Variants in PRR12 observed in about 807,000 individuals in gnomAD.
PRR12 encodes proline rich 12, also known as proline-rich protein 12.
In PRR12, 12 loss-of-function variants were observed where a neutral mutation model predicts 138.0. The observed-to-expected ratio is 0.09, with a 90% confidence interval of 0.06 to 0.14. PRR12 has a LOEUF of 0.14. PRR12 is among the 10% of genes least tolerant of loss of function. The probability of loss-of-function intolerance (pLI) is 1.00; values close to 1 mark genes in which losing one functional copy is unlikely to be tolerated. For missense variants in PRR12, 2,692 were observed against 2,861.3 expected (o/e 0.94, Z 1.35); for synonymous variants, 1,567 against 1,291.7 (o/e 1.21, Z -4.57).
In PRR12 at chr19:49,625,763, G is replaced by A. The variant is rs555232986; in HGVS notation, c.*156G>A. 1.1e-6 allele frequency: 1 copy of A among 951,888 alleles called. No homozygotes were observed. Among genetic ancestry groups the A allele is most frequent in the African/African-American group, 1.7e-5 (1 of 59,364 alleles). The allele number at this position is 951,888 out of a possible 1,614,324, so 59.0% of individuals were successfully genotyped here. ...TGCCCCCTCCAGGGCAGGGTTCAAAGTCCGACTCCCCCCCTCTCCCAAGCC... is the reference window on the plus strand; with the variant it reads ...TGCCCCCTCCAGGGCAGGGTTCAAAATCCGACTCCCCCCCTCTCCCAAGCC... On this transcript the variant is annotated 3_prime_UTR_variant, in exon 14 of 14. Transcript: ENST00000418929. The surrounding 1 kb of genome is among the most constrained non-coding windows in gnomAD (Gnocchi z 5.5).
intron 6 of PRR12, among the ~76,000 whole-genome samples, chr19:49,604,309 C>T (rs1239769679): frequency 6.7e-6 from 1 of 150,288 alleles, no homozygotes; most frequent in Non-Finnish European, 1.5e-5. Context: ...TTGAGACCAG[C>T]TAGGCAAATA....
rs1279104056 is a variant in PRR12 at position 49,591,620 on chromosome 19, C to T, written c.-35C>T. On this transcript the variant is annotated 5_prime_UTR_variant, in exon 1 of 14. Coordinates refer to ENST00000418929, the MANE Select transcript of PRR12 (RefSeq NM_020719.3). ...GCGCGCCCCCTCCCTCCCTCCCTCC[C>T]TCCCCCTCCCCCCAATTTCCACCGC... The T allele has an allele frequency of 6.1e-6, 4 of 655,040 alleles. No homozygotes were observed. Among genetic ancestry groups the T allele is most frequent in the Non-Finnish European group, 9.8e-6 (4 of 409,246 alleles). The allele number at this position is 655,040 out of a possible 1,614,324, so 40.6% of individuals were successfully genotyped here. A position where few individuals can be genotyped will look rare whatever the true frequency, so the allele number is the denominator to read the frequency against.
At chr19:49,593,537 GGCCC>G in intron 2 of PRR12, 98 bp downstream of exon 2, 1 of 631,690 alleles carries the variant, frequency 1.6e-6, no homozygotes, top group South Asian at 1.7e-5. Context: ...AATTGGCCGT[GGCCC>G]GTGCCGTGGC....
At position 49,625,586 on chromosome 19, in the gene PRR12, G is replaced by A. The variant is rs1490260969; in HGVS notation, c.6090G>A (p.Gln2030=). 1.1e-5 allele frequency: 17 copies of A among 1,609,428 alleles called. No homozygotes were observed. The highest frequency in any genetic ancestry group is 1.4e-5 in the Non-Finnish European group (16 of 1,178,012). Residue 2030 remains glutamine, a synonymous_variant, in exon 14 of 14, where the codon CAG becomes CAA. Coordinates refer to ENST00000418929, the MANE Select transcript of PRR12 (RefSeq NM_020719.3). This position sits in a 1 kb window ranked among gnomAD's most constrained non-coding sequence, Gnocchi z 5.5. ...TCAGTGACCTGCTGGCCCAAGCACA[G>A]GCCCACAGCCGCTGCGGGTGACCCC... is the stretch of plus-strand genomic sequence containing the variant. ...DSFSDLLAQA[Q]AHSRCG
chr19:49,615,748 C>A lies in PRR12; in HGVS notation c.5026C>A (p.Arg1676Ser), dbSNP rs781523174. ...PWHRPPVPVR[R>S]SGQAKNPVSA... ...AGTCCCTTCTCTGTTCCCTTCTAGA[C>A]GCTCTGGGCAGGCCAAGAACCCCGT... The change falls in exon 9 of 14, where the codon CGC (arginine) becomes AGC (serine). Residue 1676 changes from arginine to serine, a missense_variant and splice_region_variant. This residue lies in a region of PRR12 where 259 missense variants were observed against 265.1 expected (regional missense o/e 0.98). Coordinates refer to ENST00000418929, the MANE Select transcript of PRR12 (RefSeq NM_020719.3). The A allele has an allele frequency of 2.5e-6, 4 of 1,611,454 alleles. No homozygotes were observed. Among genetic ancestry groups the A allele is most frequent in the Admixed American group, 3.3e-5 (2 of 59,704 alleles).
rs200406703 is a variant in PRR12, at chr19:49,599,937, C to T, written c.4344C>T (p.Pro1448=). Residue 1448 remains proline, a splice_region_variant and synonymous_variant, in exon 5 of 14, where the codon CCC becomes CCT. Transcript: ENST00000418929. The surrounding 1 kb of genome is among the most constrained non-coding windows in gnomAD (Gnocchi z 5.0). ...GLPSANSNGT[P]EPPLLEEKPP... ...CCAGTGCCAACAGCAATGGCACTCC[C>T]GGTGAGCTCTGGGCAGGTGGTCTGG... 280 of 1,596,604 alleles carry T rather than the reference C, an allele frequency of 1.8e-4. No individual in the cohort carries two copies. The highest frequency in any genetic ancestry group is 1.4e-3 in the African/African-American group (104 of 74,636).
chr19:49,615,962 T>G lies in PRR12; in HGVS notation c.5240T>G (p.Val1747Gly). Residue 1747 changes from valine to glycine, a missense_variant, in exon 9 of 14, where the codon GTG (valine) becomes GGG (glycine). This residue lies in a region of PRR12 where 259 missense variants were observed against 265.1 expected (regional missense o/e 0.98). Coordinates refer to ENST00000418929, the MANE Select transcript of PRR12 (RefSeq NM_020719.3). ...PVEKEKEKEK[V>G]TRGERPLRGE... ...GAGAAGGAAAAGGAGAAGGAGAAGG[T>G]GACACGTGGAGAGCGGCCATTGCGG... 6.4e-7 allele frequency: 1 copy of G among 1,551,738 alleles called. No individual in the cohort carries two copies. Among genetic ancestry groups the G allele is most frequent in the Non-Finnish European group, 8.7e-7 (1 of 1,147,582 alleles).
At chr19:49,610,967 C>T (rs576268388) in intron 6 of PRR12, among the ~76,000 whole-genome samples, 50 of 151,790 alleles carry the variant, frequency 3.3e-4, no homozygotes, top group Middle Eastern at 3.4e-3. Flanking sequence ...CTCAGCCTCC[C>T]GAGTAGCTGG....
intron 6 of PRR12, among the ~76,000 whole-genome samples, chr19:49,604,581 G>C (rs2080828867): frequency 6.6e-6 from 1 of 151,940 alleles, no homozygotes; most frequent in African/African-American, 2.4e-5. Flanking sequence ...AGGAGGTTGA[G>C]GCAGGAGAAT....
intron 9 of PRR12, among the ~76,000 whole-genome samples, chr19:49,617,590 C>T (rs971475930): frequency 1.3e-5 from 2 of 152,150 alleles, no homozygotes; most frequent in Non-Finnish European, 2.9e-5. Context: ...ATGATTACAC[C>T]ACTGCTTTCC....
intron 6 of PRR12, among the ~76,000 whole-genome samples, chr19:49,604,552 C>T (rs2080828769): frequency 6.6e-6 from 1 of 151,894 alleles, no homozygotes; most frequent in Non-Finnish European, 1.5e-5. Flanking sequence ...GTGGCAGGCG[C>T]CTGTAGTCCC....
At chr19:49,605,387 C>T (rs1426547260) in intron 6 of PRR12, among the ~76,000 whole-genome samples, 2 of 152,000 alleles carry the variant, frequency 1.3e-5, no homozygotes, top group Admixed American at 6.6e-5. Context: ...CTCAGCCTCC[C>T]GAGTAGCTGG....
In PRR12 at chr19:49,595,668, C is replaced by T. The variant is rs1348960947; in HGVS notation, c.1333C>T (p.Pro445Ser). 1 of 1,598,924 alleles carries T rather than the reference C, an allele frequency of 6.3e-7. No individual in the cohort carries two copies. Among genetic ancestry groups the T allele is most frequent in the Non-Finnish European group, 8.5e-7 (1 of 1,173,642 alleles). The change falls in exon 4 of 14, where the codon CCC (proline) becomes TCC (serine). Residue 445 changes from proline to serine, a missense_variant. Pro to Ser is a moderately conservative substitution (Grantham distance 74, BLOSUM62 -1). Around this residue, in one of 11 missense-constraint regions of PRR12, gnomAD observed 523 missense variants for 496.4 expected, o/e 1.05. Transcript: ENST00000418929. ...AGGGGCAGGGGGCCAGGCTTATTCC[C>T]CCGGTCAGCCTCAAGGGCTTCTGGG... is the stretch of plus-strand genomic sequence containing the variant. The part of the protein sequence containing the change: ...AGGAGGQAYS[P>S]GQPQGLLGPQ...
In PRR12 at chr19:49,596,873, G is replaced by C; in HGVS notation, c.2538G>C (p.Met846Ile). The C allele has an allele frequency of 7.4e-7, 1 of 1,357,638 alleles. No homozygotes were observed. The highest frequency in any genetic ancestry group is 1.0e-6 in the Non-Finnish European group (1 of 1,002,088). The allele number at this position is 1,357,638 out of a possible 1,614,324, so 84.1% of individuals were successfully genotyped here. A position where few individuals can be genotyped will look rare whatever the true frequency, so the allele number is the denominator to read the frequency against. ...CGCCACCCCCGCCTCCACCACCCAT[G>C]CCCCTGCAGCTCGAGGCCCACCTCC... ...PPPPPPPPPP[M>I]PLQLEAHLRS... is the part of the protein sequence containing the mutation. The change falls in exon 4 of 14, where the codon ATG (methionine) becomes ATC (isoleucine). Residue 846 changes from methionine to isoleucine, a missense_variant. Around this residue, in one of 11 missense-constraint regions of PRR12, gnomAD observed 840 missense variants for 689.8 expected, o/e 1.22. Transcript: ENST00000418929. The surrounding 1 kb of genome is among the most constrained non-coding windows in gnomAD (Gnocchi z 5.6).
chr19:49,596,540 T>C lies in PRR12; in HGVS notation c.2205T>C (p.Gly735=). The C allele has an allele frequency of 6.2e-7, 1 of 1,608,160 alleles. No individual in the cohort carries two copies. Among genetic ancestry groups the C allele is most frequent in the Non-Finnish European group, 8.5e-7 (1 of 1,177,920 alleles). The change falls in exon 4 of 14, where the codon GGT becomes GGC. Residue 735 remains glycine (G), a synonymous_variant. Coordinates refer to ENST00000418929, the MANE Select transcript of PRR12 (RefSeq NM_020719.3). This position sits in a 1 kb window ranked among gnomAD's most constrained non-coding sequence, Gnocchi z 5.6. The part of the protein sequence containing the change: ...LKEKKKGPER[G]GETPEGLATS... ...AGAAGAAGAAAGGGCCAGAGCGGGG[T>C]GGCGAGACCCCCGAGGGGCTGGCCA...
chr19:49,611,640 A>AAACAAAAAAC (rs1555742960), intron 6 of PRR12, among the ~76,000 whole-genome samples: 52 of 150,358 alleles, frequency 3.5e-4, no homozygotes, highest in African/African-American at 1.2e-3. Context: ...AAAAAAAAAA[A>AAACAAAAAAC]AGGCCGGGCG....
chr19:49,624,446 C>T, intron 11 of PRR12, among the ~76,000 whole-genome samples: 1 of 148,498 alleles, frequency 6.7e-6, no homozygotes, highest in Non-Finnish European at 1.5e-5. Flanking sequence ...TAGGATGGTG[C>T]TGAAAATTTT....
intron 11 of PRR12, 60 bp from the exon 12 acceptor site, chr19:49,624,784 G>C (rs1465099888): frequency 6.3e-7 from 1 of 1,576,554 alleles, no homozygotes; most frequent in South Asian, 1.2e-5. Flanking sequence ...AGACCTGGCT[G>C]TTGGGTTTGG....
rs1031996186 is a variant in PRR12, at chr19:49,597,907, C to A, written c.3572C>A (p.Ser1191Tyr). 2.8e-6 allele frequency: 4 copies of A among 1,410,286 alleles called. No homozygotes were observed. Among genetic ancestry groups the A allele is most frequent in the East Asian group, 5.6e-5 (2 of 35,972 alleles). 87.4% of individuals were successfully genotyped at this position (1,410,286 alleles called of 1,614,324 possible). Residue 1191 changes from serine (S) to tyrosine (Y), a missense_variant, in exon 4 of 14, where the codon TCC (serine) becomes TAC (tyrosine). Ser to Tyr is a moderately radical substitution (Grantham distance 144). Coordinates refer to ENST00000418929, the MANE Select transcript of PRR12 (RefSeq NM_020719.3). The surrounding 1 kb of genome is among the most constrained non-coding windows in gnomAD (Gnocchi z 6.3). ...VPTTAGPASASTPTDGAKKPR... is the reference protein window; with the variant it reads ...VPTTAGPASAYTPTDGAKKPR... ...ACCACTGCGGGGCCCGCCTCGGCCTCCACGCCCACCGATGGCGCCAAGAAA... is the reference window on the plus strand; with the variant it reads ...ACCACTGCGGGGCCCGCCTCGGCCTACACGCCCACCGATGGCGCCAAGAAA...
Sources: allele counts gnomAD v4.1 joint callset (sites outside exome capture counted in the v4.1 genomes callset), GRCh38; gene constraint gnomAD v4.1.1; regional missense constraint gnomAD v4.1.1; non-coding constraint Gnocchi (gnomAD v3.1); transcripts MANE v1.5; gene names NCBI Gene and HGNC (gene_info 2026-07-23, HGNC 2026-07-21).